ACVR2B: variants seen among roughly 807,000 people sequenced by gnomAD.
The protein encoded by ACVR2B is activin receptor type-2B.
Under a neutral mutation model 65.1 loss-of-function variants are expected in ACVR2B, and 18 were observed. The ratio of observed to expected loss-of-function variants is 0.28; its 90% confidence interval spans 0.19 to 0.41. The LOEUF (loss-of-function observed/expected upper bound fraction) is 0.41, where lower values mean the gene tolerates loss of function less well. Among genes scored for constraint, ACVR2B ranks in the 10% least tolerant of loss-of-function variants. ACVR2B has a pLI of 1.00. For synonymous variants in ACVR2B, 298 were observed against 277.7 expected (o/e 1.07, Z -0.73); for missense variants, 482 against 682.7 (o/e 0.71, Z 3.28).
chr3:38,477,909 C>T lies in ACVR2B; in HGVS notation c.309C>T (p.Cys103=). The change falls in exon 3 of 11, where the codon TGC becomes TGT. Residue 103 remains cysteine (C), a synonymous_variant. Coordinates refer to ENST00000352511, the MANE Select transcript of ACVR2B (RefSeq NM_001106.4). The surrounding 1 kb of genome is among the most constrained non-coding windows in gnomAD (Gnocchi z 6.7). ...TEENPQVYFC[C]CEGNFCNERF... ...AGAACCCCCAGGTGTACTTCTGCTG[C>T]TGTGAAGGCAACTTCTGCAACGAAC... The T allele has an allele frequency of 1.2e-6, 2 of 1,614,128 alleles. No individual in the cohort carries two copies. The highest frequency in any genetic ancestry group is 2.7e-5 in the African/African-American group (2 of 75,034).
Position 38,477,626 on chromosome 3 carries a change from G to T in ACVR2B, c.260+132G>T. On this transcript the variant is annotated intron_variant, in intron 2 of 10. Transcript: ENST00000352511. This position sits in a 1 kb window ranked among gnomAD's most constrained non-coding sequence, Gnocchi z 6.7. ...AGGGGCTCTTGAGATGGTAGCCATG[G>T]CCCCACGCCCTTCCACACCCTATTT... The T allele has an allele frequency of 8.5e-7, 1 of 1,178,518 alleles. No individual in the cohort carries two copies. 73.0% of individuals were successfully genotyped at this position (1,178,518 alleles called of 1,614,324 possible). A position where few individuals can be genotyped will look rare whatever the true frequency, so the allele number is the denominator to read the frequency against.
chr3:38,473,016 C>CTG (rs1157971978), intron 1 of ACVR2B, among the ~76,000 whole-genome samples: 4 of 152,150 alleles, frequency 2.6e-5, no homozygotes, highest in African/African-American at 9.6e-5. Flanking sequence ...TCTGCATGTA[C>CTG]TGTGTGTGTG....
intron 1 of ACVR2B, among the ~76,000 whole-genome samples, chr3:38,469,221 A>C (rs1448293743): frequency 1.3e-5 from 2 of 152,220 alleles, no homozygotes; most frequent in Non-Finnish European, 2.9e-5. Context: ...ATGCATATAC[A>C]TTGCTGCATG....
At chr3:38,475,046 G>A (rs1274690512) in intron 1 of ACVR2B, 1 of 152,284 alleles carries the variant, frequency 6.6e-6, no homozygotes, top group African/African-American at 2.4e-5. Context: ...TAGAACTGCT[G>A]CCGTGGATGC....
chr3:38,456,668 A>G (rs1257988233), intron 1 of ACVR2B, among the ~76,000 whole-genome samples: 1 of 151,964 alleles, frequency 6.6e-6, no homozygotes, highest in Non-Finnish European at 1.5e-5. Flanking sequence ...TGGCTTGCAG[A>G]TATCTGCCTT....
intron 1 of ACVR2B, among the ~76,000 whole-genome samples, chr3:38,468,477 G>A (rs939417977): frequency 1.1e-4 from 17 of 152,092 alleles, no homozygotes; most frequent in African/African-American, 1.9e-4. Context: ...CCTCTTTGTC[G>A]AAGAGGCTCT....
rs1710110344 is a variant in ACVR2B, at chr3:38,485,788, A to C, written c.*2456A>C. On this transcript the variant is annotated 3_prime_UTR_variant, in exon 11 of 11. Coordinates refer to ENST00000352511, the MANE Select transcript of ACVR2B (RefSeq NM_001106.4). Reference sequence around the variant, plus strand: ...CAGCAGTTGCTTTTCTTTACCATTTATTTCTTTAAGAAGCTTTAAAATATT... The same window carrying C: ...CAGCAGTTGCTTTTCTTTACCATTTCTTTCTTTAAGAAGCTTTAAAATATT... 1 of 127,690 alleles carries C rather than the reference A, an allele frequency of 7.8e-6. No individual in the cohort carries two copies. The highest frequency in any genetic ancestry group is 8.7e-5 in the Admixed American group (1 of 11,556). 7.9% of individuals were successfully genotyped at this position (127,690 alleles called of 1,614,324 possible).
intron 1 of ACVR2B, among the ~76,000 whole-genome samples, chr3:38,470,787 A>G (rs1029895846): frequency 6.6e-6 from 1 of 152,220 alleles, no homozygotes; most frequent in African/African-American, 2.4e-5. Context: ...GGCTTTTAGT[A>G]TAAGTGTACC....
At chr3:38,478,322 G>A (rs1709949882) in intron 4 of ACVR2B, 30 bp downstream of exon 4, 1 of 1,614,054 alleles carries the variant, frequency 6.2e-7, no homozygotes, top group Admixed American at 1.7e-5. Flanking sequence ...GGGCAGGGCA[G>A]GATAGAGGTG....
In ACVR2B at chr3:38,482,452, G is replaced by C; in HGVS notation, c.1236G>C (p.Leu412=). ...AADGPVDEYM[L]PFEEEIGQHP... ...TAGGACCCGTGGATGAGTACATGCT[G>C]CCCTTTGAGGAAGAGATTGGCCAGC... The change falls in exon 10 of 11, where the codon CTG becomes CTC. Residue 412 remains leucine (L), a synonymous_variant. Coordinates refer to ENST00000352511, the MANE Select transcript of ACVR2B (RefSeq NM_001106.4). 6.2e-7 allele frequency: 1 copy of C among 1,612,752 alleles called. No individual in the cohort carries two copies. The highest frequency in any genetic ancestry group is 8.5e-7 in the Non-Finnish European group (1 of 1,179,808).
chr3:38,473,427 G>A (rs1433289433), intron 1 of ACVR2B: 2 of 152,408 alleles, frequency 1.3e-5, no homozygotes, highest in African/African-American at 2.4e-5. Flanking sequence ...TCCTGGGTGT[G>A]GGTGGGAATC....
intron 1 of ACVR2B, among the ~76,000 whole-genome samples, chr3:38,462,251 A>G (rs1020671709): frequency 2.6e-5 from 4 of 152,174 alleles, no homozygotes; most frequent in Non-Finnish European, 5.9e-5. Flanking sequence ...GCTTTTTTCC[A>G]CCTAAAATGG....
chr3:38,459,299 C>T (rs1275374039), intron 1 of ACVR2B, among the ~76,000 whole-genome samples: 1 of 152,194 alleles, frequency 6.6e-6, no homozygotes, highest in African/African-American at 2.4e-5. Context: ...TCCTGGCGTC[C>T]TTGAGTTTTC....
chr3:38,454,123 G>A lies in ACVR2B; in HGVS notation c.-200G>A, dbSNP rs1018391422. ...GGCCGCAGCCTGCGCCGCCCGCAGCGGCCCTGAGCCCGGCCCCGCCGACCG... is the reference window on the plus strand; with the variant it reads ...GGCCGCAGCCTGCGCCGCCCGCAGCAGCCCTGAGCCCGGCCCCGCCGACCG... On this transcript the variant is annotated 5_prime_UTR_variant, in exon 1 of 11. Coordinates refer to ENST00000352511, the MANE Select transcript of ACVR2B (RefSeq NM_001106.4). The A allele has an allele frequency of 2.9e-5, 6 of 209,272 alleles. No individual in the cohort carries two copies. Among genetic ancestry groups the A allele is most frequent in the African/African-American group, 4.8e-5 (2 of 42,046 alleles). 13.0% of individuals were successfully genotyped at this position (209,272 alleles called of 1,614,324 possible). A position where few individuals can be genotyped will look rare whatever the true frequency, so the allele number is the denominator to read the frequency against.
chr3:38,464,021 C>T (rs553409160), intron 1 of ACVR2B, among the ~76,000 whole-genome samples: 3 of 152,186 alleles, frequency 2.0e-5, no homozygotes, highest in Admixed American at 6.5e-5. Flanking sequence ...CTCATTTAGC[C>T]TTAATTACCT....
chr3:38,467,692 C>T (rs923806049), intron 1 of ACVR2B, among the ~76,000 whole-genome samples: 1 of 150,986 alleles, frequency 6.6e-6, no homozygotes, highest in Non-Finnish European at 1.5e-5. Context: ...TTTGAGGCTG[C>T]AGTGAGCTGT....
chr3:38,464,268 T>A (rs1404782276), intron 1 of ACVR2B, among the ~76,000 whole-genome samples: 1 of 152,262 alleles, frequency 6.6e-6, no homozygotes, highest in East Asian at 1.9e-4. Flanking sequence ...GTCTCTGTTG[T>A]TCTTGCTTAA....
chr3:38,488,348 A>T lies in ACVR2B; in HGVS notation c.*5016A>T, dbSNP rs1199739542. On this transcript the variant is annotated 3_prime_UTR_variant, in exon 11 of 11. Coordinates refer to ENST00000352511, the MANE Select transcript of ACVR2B (RefSeq NM_001106.4). Reference sequence around the variant, plus strand: ...TTTGCAACCAGCAGTCTACCTATGAATGTATCCCAAACCTTTAGAAGATTG... The same window carrying T: ...TTTGCAACCAGCAGTCTACCTATGATTGTATCCCAAACCTTTAGAAGATTG... 11 of 152,232 alleles carry T rather than the reference A, an allele frequency of 7.2e-5. No individual in the cohort carries two copies. Among genetic ancestry groups the T allele is most frequent in the Non-Finnish European group, 5.9e-5 (4 of 68,044 alleles). The allele number at this position is 152,232 out of a possible 1,614,324, so 9.4% of individuals were successfully genotyped here. A position where few individuals can be genotyped will look rare whatever the true frequency, so the allele number is the denominator to read the frequency against.
rs186782624 is a variant in ACVR2B, at chr3:38,480,690, A to G, written c.960-661A>G. Among the ~76,000 whole-genome samples, 1,067 of 152,334 alleles carry G rather than the reference A, an allele frequency of 7.0e-3. 8 individuals are homozygous for G. Among genetic ancestry groups the G allele is most frequent in the African/African-American group, 0.025 (1,027 of 41,564 alleles). ...TATGAAATTGCCGTTTTTATAGGTC[A>G]AAAGGTTGAATGTTGTCTCTGCTAT... On this transcript the variant is annotated intron_variant, in intron 7 of 10. Coordinates refer to ENST00000352511, the MANE Select transcript of ACVR2B (RefSeq NM_001106.4).
Sources: gnomAD v4.1 joint callset for allele counts (sites outside exome capture counted in the v4.1 genomes callset) on GRCh38, gnomAD v4.1.1 for gene constraint, Gnocchi (gnomAD v3.1) non-coding constraint, MANE v1.5 for transcripts, NCBI Gene and HGNC (gene_info 2026-07-23, HGNC 2026-07-21) for gene names.